The following TRPC4 variants were observed in gnomAD, a reference collection of about 807,000 sequenced individuals.
TRPC4 encodes transient receptor potential cation channel subfamily C member 4.
Under a neutral mutation model 99.4 loss-of-function variants are expected in TRPC4, and 49 were observed. The observed-to-expected ratio is 0.49, with a 90% CI of 0.39 to 0.63. The LOEUF (loss-of-function observed/expected upper bound fraction) is 0.63, where lower values mean the gene tolerates loss of function less well. Among genes scored for constraint, TRPC4 ranks in the 20% least tolerant of loss-of-function variants. The probability of loss-of-function intolerance (pLI) is 0.00; values close to 1 mark genes in which losing one functional copy is unlikely to be tolerated. For missense variants in TRPC4, 898 were observed against 1,152.9 expected, an observed-to-expected ratio of 0.78 and a Z score of 3.20; for synonymous variants, 454 against 425.9, an observed-to-expected ratio of 1.07 and a Z score of -0.81.
chr13:37,730,034 C>T (rs1381739627), intron 3 of TRPC4, among the ~76,000 whole-genome samples: 1 of 152,038 alleles, frequency 6.6e-6, no homozygotes. Flanking sequence ...AAACAAAGCA[C>T]AGTAGTCAGA....
At chr13:37,702,137 C>A (rs1020480446) in intron 3 of TRPC4, among the ~76,000 whole-genome samples, 1 of 152,162 alleles carries the variant, frequency 6.6e-6, no homozygotes, top group Non-Finnish European at 1.5e-5. Context: ...TCTGCCATCA[C>A]GTGGCATTCT....
At chr13:37,666,410 C>T (rs2138712395) in intron 5 of TRPC4, among the ~76,000 whole-genome samples, 1 of 152,128 alleles carries the variant, frequency 6.6e-6, no homozygotes, top group Non-Finnish European at 1.5e-5. Context: ...TTCTCTGATC[C>T]AAAAAACCTC....
At chr13:37,835,292 C>T (rs533811961) in intron 1 of TRPC4, among the ~76,000 whole-genome samples, 8 of 152,016 alleles carry the variant, frequency 5.3e-5, no homozygotes, top group East Asian at 1.9e-4. Flanking sequence ...CTTCTGAGGG[C>T]GTTCATTGTA....
chr13:37,746,481 T>A, intron 2 of TRPC4, 26 bp from the exon 3 acceptor site: 1 of 1,564,486 alleles, frequency 6.4e-7, no homozygotes. Context: ...GCAGAGGTGA[T>A]GAATATTTAT....
chr13:37,703,425 A>T (rs1183008097), intron 3 of TRPC4, among the ~76,000 whole-genome samples: 5 of 152,312 alleles, frequency 3.3e-5, no homozygotes, highest in African/African-American at 9.6e-5. Context: ...CACCAAAAAA[A>T]ACCAGTGTTT....
rs371145864 is a variant in TRPC4, at chr13:37,813,551, A to G, written c.-27-30191T>C. On this transcript the variant is annotated intron_variant, in intron 1 of 10. Coordinates refer to ENST00000379705, the MANE Select transcript of TRPC4 (RefSeq NM_016179.4). ...ATGAAAATTAAGACTTAAACAGGGA[A>G]CACTACTACTGATGTTACAGAATTA... Among the ~76,000 whole-genome samples the G allele has an allele frequency of 7.3e-4, 111 of 151,934 alleles. 1 individual carries two copies. The South Asian group carries it at 0.022, about 29-fold the overall frequency.
Position 37,746,260 on chromosome 13 carries a change from G to GACGGAGGCTGTCCACATCTGA in TRPC4, c.553_573dup (p.Ser185_Arg191dup). The stretch of plus-strand genomic sequence containing the variant: ...TAGATGTTGAGTCTGGAGCGTGAGT[G>GACGGAGGCTGTCCACATCTGA]ACGGAGGCTGTCCACATCTGAACTG... On this transcript the variant is annotated inframe_insertion, in exon 3 of 11. Coordinates refer to ENST00000379705, the MANE Select transcript of TRPC4 (RefSeq NM_016179.4). 1 of 1,613,808 alleles carries GACGGAGGCTGTCCACATCTGA rather than the reference G, an allele frequency of 6.2e-7. No individual in the cohort carries two copies. The highest frequency in any genetic ancestry group is 2.2e-5 in the East Asian group (1 of 44,772).
In TRPC4 at chr13:37,636,785, G is replaced by A. The variant is rs531641214; in HGVS notation, c.*118C>T. ...AACATGTTACAGGTAATATGCCACA[G>A]CTGATAAACGCTATAAAGTGTAAGT... On this transcript the variant is annotated 3_prime_UTR_variant, in exon 11 of 11. Coordinates refer to ENST00000379705, the MANE Select transcript of TRPC4 (RefSeq NM_016179.4). The A allele has an allele frequency of 2.8e-5, 35 of 1,248,698 alleles. No individual in the cohort carries two copies. In the East Asian group the frequency reaches 5.7e-4, roughly 20 times the overall value. 77.4% of individuals were successfully genotyped at this position (1,248,698 alleles called of 1,614,324 possible).
chr13:37,724,158 A>T (rs1466808580), intron 3 of TRPC4, among the ~76,000 whole-genome samples: 1 of 152,160 alleles, frequency 6.6e-6, no homozygotes, highest in Non-Finnish European at 1.5e-5. Flanking sequence ...AATCTCTAAG[A>T]CATATTTTTC....
rs1362710286 is a variant in TRPC4 at position 37,632,337 on chromosome 13, A to G, written c.*4566T>C. Reference sequence around the variant, plus strand: ...GTATATTTTAAATCAATACTTCATAAATACTATCAGTTCAATATGTAGCCA... The same window carrying G: ...GTATATTTTAAATCAATACTTCATAGATACTATCAGTTCAATATGTAGCCA... On this transcript the variant is annotated 3_prime_UTR_variant, in exon 11 of 11. Transcript: ENST00000379705. Among the ~76,000 whole-genome samples the G allele has an allele frequency of 1.3e-5, 2 of 152,232 alleles. No homozygotes were observed. The highest frequency in any genetic ancestry group is 3.8e-4 in the East Asian group (2 of 5,208).
At chr13:37,709,837 A>G (rs1954418775) in intron 3 of TRPC4, among the ~76,000 whole-genome samples, 1 of 152,052 alleles carries the variant, frequency 6.6e-6, no homozygotes, top group Non-Finnish European at 1.5e-5. Flanking sequence ...GGTACAAGGA[A>G]TATTTTTGAA....
intron 3 of TRPC4, among the ~76,000 whole-genome samples, chr13:37,699,778 GA>G (rs1954045427): frequency 6.6e-6 from 1 of 152,206 alleles, no homozygotes; most frequent in South Asian, 2.1e-4. Flanking sequence ...CACATAACCA[GA>G]AGGGAAGACA....
intron 1 of TRPC4, among the ~76,000 whole-genome samples, chr13:37,789,685 C>CCT (rs1957062359): frequency 6.8e-6 from 1 of 146,494 alleles, no homozygotes; most frequent in African/African-American, 2.5e-5. Flanking sequence ...TACTTTATTT[C>CCT]TTTTTTTTTT....
intron 1 of TRPC4, among the ~76,000 whole-genome samples, chr13:37,805,579 G>A (rs1321383012): frequency 6.6e-6 from 1 of 151,958 alleles, no homozygotes; most frequent in Non-Finnish European, 1.5e-5. Flanking sequence ...CTCTTCTCTT[G>A]ATGTTATCTG....
rs1048861440 is a variant in TRPC4 at position 37,847,445 on chromosome 13, C to G, written c.-28+22150G>C. On this transcript the variant is annotated intron_variant, in intron 1 of 10. Coordinates refer to ENST00000379705, the MANE Select transcript of TRPC4 (RefSeq NM_016179.4). ...GGACAACATGCTCCTAAATAACCAA[C>G]AGGTCATAGTGTAAATCAAAAAGGA... 8.5e-5 allele frequency among the ~76,000 whole-genome samples: 13 copies of G among 152,080 alleles called. 1 individual carries two copies. The highest frequency in any genetic ancestry group is 4.1e-4 in the South Asian group (2 of 4,826).
chr13:37,779,545 C>T (rs1317867142), intron 2 of TRPC4, among the ~76,000 whole-genome samples: 2 of 151,918 alleles, frequency 1.3e-5, no homozygotes, highest in African/African-American at 4.8e-5. Flanking sequence ...CTTTTCATTA[C>T]ATGCTGCATT....
chr13:37,729,851 C>G (rs866219275), intron 3 of TRPC4, among the ~76,000 whole-genome samples: 10 of 152,076 alleles, frequency 6.6e-5, no homozygotes, highest in African/African-American at 2.4e-4. Context: ...ACACTAACTC[C>G]TCATTTCCCC....
In TRPC4 at chr13:37,632,507, C is replaced by A. The variant is rs1457642097; in HGVS notation, c.*4396G>T. Among the ~76,000 whole-genome samples the A allele has an allele frequency of 6.6e-6, 1 of 152,126 alleles. No homozygotes were observed. The highest frequency in any genetic ancestry group is 1.9e-4 in the East Asian group (1 of 5,186). On this transcript the variant is annotated 3_prime_UTR_variant, in exon 11 of 11. Coordinates refer to ENST00000379705, the MANE Select transcript of TRPC4 (RefSeq NM_016179.4). The stretch of plus-strand genomic sequence containing the variant: ...CCGTATGAGTATAGGAGCTACGTTA[C>A]TGAACAGTGCAGCTCTAGAGGAAAT...
chr13:37,749,930 C>T (rs1482796217), intron 2 of TRPC4, among the ~76,000 whole-genome samples: 1 of 152,024 alleles, frequency 6.6e-6, no homozygotes. Context: ...GCTTAGGTAA[C>T]ACAACCCAGA....
Sources: gnomAD v4.1 joint callset for allele counts (sites outside exome capture counted in the v4.1 genomes callset) on GRCh38, gnomAD v4.1.1 for gene constraint, MANE v1.5 for transcripts, NCBI Gene and HGNC (gene_info 2026-07-23, HGNC 2026-07-21) for gene names.